The following P2RY6 variants were observed in gnomAD, a reference collection of about 807,000 sequenced individuals.
P2RY6 encodes the protein P2Y purinoceptor 6.
P2RY6 carries 19 observed loss-of-function variants against 16.3 expected under a neutral mutation model. The observed-to-expected ratio is 1.16, with a 90% CI of 0.81 to 1.71. P2RY6 has a LOEUF of 1.71. Ranked by LOEUF, P2RY6 falls within the 40% of genes most tolerant of loss-of-function variation. The pLI is 0.00. For missense variants in P2RY6, 389 were observed against 455.5 expected, an observed-to-expected ratio of 0.85 and a Z score of 1.33; for synonymous variants, 184 against 201.5, an observed-to-expected ratio of 0.91 and a Z score of 0.74.
chr11:73,295,212 T>C (rs1292215353), intron 1 of P2RY6, among the ~76,000 whole-genome samples: 1 of 152,206 alleles, frequency 6.6e-6, no homozygotes, highest in Non-Finnish European at 1.5e-5. Context: ...TTTGTGCTGC[T>C]GGCTCTCCCA....
At chr11:73,280,309 C>T (rs539564479) in intron 1 of P2RY6, among the ~76,000 whole-genome samples, 1 of 152,156 alleles carries the variant, frequency 6.6e-6, no homozygotes, top group South Asian at 2.1e-4. Context: ...TCCCACCTTG[C>T]GGGGTCCTTA....
chr11:73,269,079 C>T (rs556737379), upstream of P2RY6, among the ~76,000 whole-genome samples: 3 of 152,290 alleles, frequency 2.0e-5, no homozygotes, highest in Non-Finnish European at 2.9e-5. Flanking sequence ...GGCTGCCTGG[C>T]GGCAGGGCCT....
intron 1 of P2RY6, among the ~76,000 whole-genome samples, chr11:73,280,885 G>A (rs1362828070): frequency 1.3e-5 from 2 of 152,168 alleles, no homozygotes; most frequent in African/African-American, 4.8e-5. Context: ...ATATAGAGAG[G>A]GCGTAGAAAG....
chr11:73,269,547 G>A (rs1296801976), upstream of P2RY6, among the ~76,000 whole-genome samples: 1 of 152,188 alleles, frequency 6.6e-6, no homozygotes, highest in African/African-American at 2.4e-5. Flanking sequence ...GCATGTGTGT[G>A]GAGCACATGC....
At chr11:73,287,522 G>T (rs1484725571) in intron 1 of P2RY6, among the ~76,000 whole-genome samples, 2 of 152,232 alleles carry the variant, frequency 1.3e-5, no homozygotes, top group Non-Finnish European at 2.9e-5. Context: ...GAACTGGGTG[G>T]GAAGAAGCTA....
At chr11:73,291,877 G>C (rs544484659) in intron 1 of P2RY6, among the ~76,000 whole-genome samples, 28 of 152,200 alleles carry the variant, frequency 1.8e-4, no homozygotes, top group Non-Finnish European at 3.4e-4. Flanking sequence ...GGTGGAGTAA[G>C]AACCTGGGCC....
chr11:73,291,087 G>A (rs1864225945), intron 1 of P2RY6, among the ~76,000 whole-genome samples: 1 of 152,202 alleles, frequency 6.6e-6, no homozygotes, highest in African/African-American at 2.4e-5. Context: ...GCTGGCCTTA[G>A]TTTCTTTCTC....
chr11:73,297,035 AACCGCACTGTCTGCTATG>A lies in P2RY6; in HGVS notation c.521_538del (p.Arg174_Asp179del). 6.2e-7 allele frequency: 1 copy of A among 1,600,696 alleles called. No individual in the cohort carries two copies. The highest frequency in any genetic ancestry group is 8.5e-7 in the Non-Finnish European group (1 of 1,179,856). ...CTTCGCTGCCACAGGCATCCAGCGT[AACCGCACTGTCTGCTATG>A]ACCTCAGCCCGCCTGCCCTGGCCAC... On this transcript the variant is annotated inframe_deletion, in exon 3 of 3. Transcript: ENST00000540124.
At chr11:73,271,101 G>A (rs985422802), upstream of P2RY6, among the ~76,000 whole-genome samples, 4 of 152,174 alleles carry the variant, frequency 2.6e-5, no homozygotes, top group Non-Finnish European at 2.9e-5. Flanking sequence ...TGGCCAATAA[G>A]TACCTGTAAG....
chr11:73,269,402 T>C (rs956567798), upstream of P2RY6, among the ~76,000 whole-genome samples: 2 of 152,144 alleles, frequency 1.3e-5, no homozygotes, highest in African/African-American at 4.8e-5. Context: ...CTTTTATTCC[T>C]GGGGAAAATC....
chr11:73,281,818 G>A (rs754424781), intron 1 of P2RY6, among the ~76,000 whole-genome samples: 10 of 152,234 alleles, frequency 6.6e-5, no homozygotes, highest in African/African-American at 1.2e-4. Flanking sequence ...GGTGAGGAGA[G>A]AACTCTGGAA....
chr11:73,264,853 TAA>T (rs57324172), intron 1 of P2RY6, among the ~76,000 whole-genome samples: 1 of 147,912 alleles, frequency 6.8e-6, no homozygotes, highest in Non-Finnish European at 1.5e-5. Flanking sequence ...AGACTCCGTC[TAA>T]AAAAAAAAAG....
intron 1 of P2RY6, among the ~76,000 whole-genome samples, chr11:73,288,917 G>A (rs935947654): frequency 2.2e-4 from 33 of 152,338 alleles, no homozygotes; most frequent in African/African-American, 7.9e-4. Context: ...AAGCAAGGGG[G>A]TTTCCAGGCC....
In P2RY6 at chr11:73,282,895, G is replaced by A. The variant is rs528880223; in HGVS notation, c.-121+10429G>A. 5.3e-5 allele frequency among the ~76,000 whole-genome samples: 8 copies of A among 152,272 alleles called. No homozygotes were observed. The South Asian group carries it at 1.7e-3, about 32-fold the overall frequency. Reference sequence around the variant, plus strand: ...TGAGCAAATACTTCCTGTGCACCAGGTATTGGGCTAGGTGATCTAGATCCA... The same window carrying A: ...TGAGCAAATACTTCCTGTGCACCAGATATTGGGCTAGGTGATCTAGATCCA... On this transcript the variant is annotated intron_variant, in intron 1 of 2. Transcript: ENST00000540124.
chr11:73,289,979 C>T (rs1864133111), intron 1 of P2RY6, among the ~76,000 whole-genome samples: 1 of 151,984 alleles, frequency 6.6e-6, no homozygotes, highest in African/African-American at 2.4e-5. Flanking sequence ...CCCAGCACTT[C>T]GCGAGGCCGA....
intron 1 of P2RY6, among the ~76,000 whole-genome samples, chr11:73,282,030 C>A (rs1157939806): frequency 3.9e-5 from 6 of 152,170 alleles, no homozygotes; most frequent in Non-Finnish European, 8.8e-5. Flanking sequence ...GCTACAGCAT[C>A]CTCTTGCCTG....
chr11:73,287,138 C>G (rs1425538219), intron 1 of P2RY6, among the ~76,000 whole-genome samples: 1 of 152,232 alleles, frequency 6.6e-6, no homozygotes, highest in Non-Finnish European at 1.5e-5. Context: ...TCATCTCTGC[C>G]ATTCCTTGGC....
chr11:73,287,770 G>A (rs1170239644), intron 1 of P2RY6, among the ~76,000 whole-genome samples: 1 of 152,242 alleles, frequency 6.6e-6, no homozygotes, highest in African/African-American at 2.4e-5. Flanking sequence ...GTCCAGGCAA[G>A]GCACAGAGAG....
chr11:73,280,822 A>G (rs929855015), intron 1 of P2RY6, among the ~76,000 whole-genome samples: 1 of 152,182 alleles, frequency 6.6e-6, no homozygotes, highest in African/African-American at 2.4e-5. Context: ...GGGAGCTGAG[A>G]GTGGAGAGGT....
Sources: allele counts gnomAD v4.1 joint callset (sites outside exome capture counted in the v4.1 genomes callset), GRCh38; gene constraint gnomAD v4.1.1; transcripts MANE v1.5; gene names NCBI Gene and HGNC (gene_info 2026-07-23, HGNC 2026-07-21).